SUMF1: variants seen among roughly 807,000 people sequenced by gnomAD.
SUMF1 encodes sulfatase modifying factor 1, also known as formylglycine-generating enzyme.
A neutral mutation model predicts 47.6 loss-of-function variants in SUMF1; 48 were observed. That is an observed-to-expected ratio of 1.01 (90% CI 0.80 to 1.28). The LOEUF (loss-of-function observed/expected upper bound fraction) is 1.28. SUMF1 is among the 50% of genes most tolerant of loss of function. The pLI, the probability that SUMF1 is intolerant of heterozygous loss-of-function variation, is 0.00. For missense variants in SUMF1, 571 were observed against 485.4 expected, an observed-to-expected ratio of 1.18 and a Z score of -1.66; for synonymous variants, 230 against 192.1, an observed-to-expected ratio of 1.20 and a Z score of -1.63.
intron 8 of SUMF1, among the ~76,000 whole-genome samples, chr3:4,087,637 G>T (rs761938178): frequency 2.6e-5 from 4 of 151,956 alleles, no homozygotes; most frequent in Non-Finnish European, 5.9e-5. Flanking sequence ...GAAGACAGTA[G>T]GAGAAATGGC....
chr3:4,269,035 C>T (rs140467237), intron 8 of SUMF1, among the ~76,000 whole-genome samples: 1 of 152,000 alleles, frequency 6.6e-6, no homozygotes, highest in Non-Finnish European at 1.5e-5. Context: ...AACTTTTTAA[C>T]CATACAGAAA....
At chr3:4,197,991 A>G (rs1695464497) in intron 8 of SUMF1, among the ~76,000 whole-genome samples, 1 of 151,292 alleles carries the variant, frequency 6.6e-6, no homozygotes, top group Non-Finnish European at 1.5e-5. Flanking sequence ...CCCGAATAAC[A>G]ATGAGTTTAA....
At chr3:4,211,119 T>TATATATATATATATAC (rs1440211464) in intron 8 of SUMF1, among the ~76,000 whole-genome samples, 2 of 133,780 alleles carry the variant, frequency 1.5e-5, no homozygotes, top group South Asian at 2.4e-4. Flanking sequence ...TATATATATA[T>TATATATATATATATAC]ATACACACAC....
intron 8 of SUMF1, among the ~76,000 whole-genome samples, chr3:4,157,321 T>C (rs1236506397): frequency 6.6e-6 from 1 of 151,566 alleles, no homozygotes; most frequent in East Asian, 1.9e-4. Context: ...CCTTCCCTCC[T>C]CACTTCATAT....
chr3:4,437,939 A>G, intron 3 of SUMF1, among the ~76,000 whole-genome samples: 1 of 152,164 alleles, frequency 6.6e-6, no homozygotes. Flanking sequence ...ACTGTCTCAA[A>G]ACACAAAAAT....
At chr3:4,139,967 A>G (rs1694036680) in intron 8 of SUMF1, among the ~76,000 whole-genome samples, 1 of 152,034 alleles carries the variant, frequency 6.6e-6, no homozygotes, top group Admixed American at 6.6e-5. Context: ...CAGACATTCC[A>G]AAGGACCACA....
intron 8 of SUMF1, among the ~76,000 whole-genome samples, chr3:4,229,795 CT>C (rs1696257677): frequency 6.6e-6 from 1 of 151,956 alleles, no homozygotes; most frequent in African/African-American, 2.4e-5. Context: ...AGGAGAACTG[CT>C]TGAGACAAAG....
chr3:4,445,715 G>A (rs564245719), intron 3 of SUMF1, among the ~76,000 whole-genome samples: 1 of 152,264 alleles, frequency 6.6e-6, no homozygotes, highest in South Asian at 2.1e-4. Flanking sequence ...ATCTACATTT[G>A]TGGCAAAATT....
At chr3:4,287,240 G>C (rs1279023474) in intron 8 of SUMF1, among the ~76,000 whole-genome samples, 2 of 151,962 alleles carry the variant, frequency 1.3e-5, no homozygotes, top group African/African-American at 4.8e-5. Context: ...AGAATATAAA[G>C]GGAACCTGAG....
chr3:4,155,454 G>A (rs528923628), intron 8 of SUMF1, among the ~76,000 whole-genome samples: 27 of 151,570 alleles, frequency 1.8e-4, no homozygotes, highest in Non-Finnish European at 1.5e-4. Flanking sequence ...AAACACGGAC[G>A]TAGGAGCTTT....
intron 8 of SUMF1, among the ~76,000 whole-genome samples, chr3:4,133,258 C>T (rs757422186): frequency 2.6e-5 from 4 of 152,036 alleles, no homozygotes; most frequent in Non-Finnish European, 4.4e-5. Context: ...GAATTGTTAA[C>T]TTTATGTAAT....
At chr3:4,292,720 C>A (rs1257658491) in intron 8 of SUMF1, among the ~76,000 whole-genome samples, 1 of 152,112 alleles carries the variant, frequency 6.6e-6, no homozygotes, top group Non-Finnish European at 1.5e-5. Flanking sequence ...GACAAAAGCC[C>A]CAGCAACAAA....
chr3:4,141,532 T>A (rs1694070702), intron 8 of SUMF1, among the ~76,000 whole-genome samples: 1 of 152,014 alleles, frequency 6.6e-6, no homozygotes, highest in Non-Finnish European at 1.5e-5. Context: ...CTCAAGCGGC[T>A]CACATCTTTA....
intron 8 of SUMF1, among the ~76,000 whole-genome samples, chr3:4,117,746 A>G (rs1404507292): frequency 2.6e-5 from 4 of 151,090 alleles, no homozygotes; most frequent in Non-Finnish European, 4.4e-5. Context: ...TAACTTAAAC[A>G]TGAATCTCTC....
intron 8 of SUMF1, among the ~76,000 whole-genome samples, chr3:4,096,220 T>A (rs550345909): frequency 7.2e-5 from 11 of 152,230 alleles, no homozygotes; most frequent in African/African-American, 2.4e-4. Context: ...AAGCTGAGCA[T>A]CACCAACTCA....
chr3:4,325,608 T>TACACACACAC (rs139250144), intron 8 of SUMF1, among the ~76,000 whole-genome samples: 3 of 149,280 alleles, frequency 2.0e-5, no homozygotes, highest in South Asian at 2.1e-4. Flanking sequence ...TATATATGTG[T>TACACACACAC]ACACACACAC....
At chr3:4,139,341 C>G (rs553030145) in intron 8 of SUMF1, among the ~76,000 whole-genome samples, 2 of 151,904 alleles carry the variant, frequency 1.3e-5, no homozygotes, top group South Asian at 4.2e-4. Flanking sequence ...ACTCATTCAT[C>G]AACTGCAACC....
At position 4,157,552 on chromosome 3, in the gene SUMF1, A is replaced by G. The variant is rs554803339; in HGVS notation, c.1015-88807T>C. Among the ~76,000 whole-genome samples, 6 of 151,506 alleles carry G rather than the reference A, an allele frequency of 4.0e-5. 1 individual carries two copies. Among genetic ancestry groups the G allele is most frequent in the African/African-American group, 1.5e-4 (6 of 40,868 alleles). On this transcript the variant is annotated intron_variant and NMD_transcript_variant, in intron 8 of 12. Transcript: ENST00000448413. ...CTCAGGATCACTTTCTCAGAATCAC[A>G]TATCACTGGAAGGGCAAGAGTTGAC...
chr3:4,166,056 G>A (rs1373079543), intron 8 of SUMF1, among the ~76,000 whole-genome samples: 1 of 152,066 alleles, frequency 6.6e-6, no homozygotes, highest in East Asian at 1.9e-4. Flanking sequence ...ACCACAAAGA[G>A]GACCAATGAA....
Sources: gnomAD v4.1 joint callset for allele counts (sites outside exome capture counted in the v4.1 genomes callset) on GRCh38, gnomAD v4.1.1 for gene constraint, MANE v1.5 for transcripts, NCBI Gene and HGNC (gene_info 2026-07-23, HGNC 2026-07-21) for gene names.